The following ITFG2 variants were observed in gnomAD, a reference collection of about 807,000 sequenced individuals.
ITFG2 encodes the protein integrin alpha FG-GAP repeat containing 2.
In ITFG2, 36 loss-of-function variants were observed where a neutral mutation model predicts 54.4. That is an observed-to-expected ratio of 0.66 (90% CI 0.51 to 0.87). The LOEUF is 0.87. Among genes scored for constraint, ITFG2 ranks in the 40% least tolerant of loss-of-function variants. ITFG2 has a pLI of 0.00. For synonymous variants in ITFG2, 211 were observed against 225.4 expected (o/e 0.94, Z 0.57); for missense variants, 524 against 576.7 (o/e 0.91, Z 0.94).
At chr12:2,848,795 A>T (rs902299707) in intron 2 of ITFG2, among the ~76,000 whole-genome samples, 1 of 151,702 alleles carries the variant, frequency 6.6e-6, no homozygotes, top group African/African-American at 2.4e-5. Context: ...CTCATTCCCA[A>T]TGGGTTATGA....
chr12:2,849,605 G>A, intron 2 of ITFG2: 3 of 1,466,148 alleles, frequency 2.0e-6, no homozygotes, highest in Non-Finnish European at 2.8e-6. Flanking sequence ...GAAGGGGAAG[G>A]GTGATGCCGC....
intron 2 of ITFG2, among the ~76,000 whole-genome samples, chr12:2,851,385 A>G (rs2098070351): frequency 6.6e-6 from 1 of 152,110 alleles, no homozygotes; most frequent in Non-Finnish European, 1.5e-5. Context: ...TCTGTCCCTG[A>G]TGCTCGAGCA....
chr12:2,850,953 T>C (rs147615717), intron 2 of ITFG2, among the ~76,000 whole-genome samples: 2 of 150,204 alleles, frequency 1.3e-5, no homozygotes, highest in African/African-American at 4.9e-5. Flanking sequence ...ATTACAAGCA[T>C]GAGCCAACAC....
intron 3 of ITFG2, chr12:2,858,369 G>C: frequency 2.3e-6 from 1 of 441,552 alleles, no homozygotes; most frequent in South Asian, 4.2e-5. Context: ...AACAGGCTGG[G>C]GGGTTCCTAA....
rs555682970 is a variant in ITFG2 at position 2,830,853 on chromosome 12, C to T, written c.*79C>T. 9.3e-6 allele frequency: 15 copies of T among 1,612,508 alleles called. No homozygotes were observed. Among genetic ancestry groups the T allele is most frequent in the Admixed American group, 6.7e-5 (4 of 59,746 alleles). ...CACCAGGCGTCTTTGGATCACACTG[C>T]GCGGCTGCTGGCTCCATCACAAAAC... On this transcript the variant is annotated 3_prime_UTR_variant and NMD_transcript_variant, in exon 3 of 3. Coordinates refer to the ITFG2 transcript ENST00000538822.
At chr12:2,854,957 C>T (rs1236923306) in intron 2 of ITFG2, 3 of 1,536,100 alleles carry the variant, frequency 2.0e-6, no homozygotes, top group African/African-American at 1.4e-5. Flanking sequence ...GCTCTTGCCT[C>T]ACTCCTCAAC....
At position 2,812,847 on chromosome 12, in the gene ITFG2, TAACGATACGGTAGG is replaced by T. The variant is rs1241834991; in HGVS notation, c.88_96+5del. Reference sequence around the variant, plus strand: ...ACGCAATCTGCCTCGGAGACGTTGATAACGATACGGTAGGTGCATGCGCACCGCAAGAGACAGCC... The same window carrying T: ...ACGCAATCTGCCTCGGAGACGTTGATTGCATGCGCACCGCAAGAGACAGCC... On this transcript the variant is annotated splice_donor_variant and splice_donor_5th_base_variant and coding_sequence_variant and intron_variant, in exon 1 of 12. Coordinates refer to ENST00000228799, the MANE Select transcript of ITFG2 (RefSeq NM_018463.4). LOFTEE classifies it high-confidence loss of function. 8.7e-6 allele frequency: 14 copies of T among 1,611,628 alleles called. No individual in the cohort carries two copies. The highest frequency in any genetic ancestry group is 4.0e-5 in the African/African-American group (3 of 74,904).
upstream of ITFG2, among the ~76,000 whole-genome samples, chr12:2,832,961 C>T: frequency 6.6e-6 from 1 of 151,892 alleles, no homozygotes; most frequent in East Asian, 1.9e-4. Flanking sequence ...GAGAGACTGG[C>T]TCTGCACTTC....
intron 3 of ITFG2, chr12:2,858,376 C>G (rs964885984): frequency 1.1e-5 from 5 of 447,126 alleles, no homozygotes; most frequent in African/African-American, 9.8e-5. Flanking sequence ...TGGGGGGTTC[C>G]TAATCTCTTT....
chr12:2,842,641 A>G (rs1603485810), intron 2 of ITFG2, among the ~76,000 whole-genome samples: 1 of 152,102 alleles, frequency 6.6e-6, no homozygotes, highest in East Asian at 1.9e-4. Flanking sequence ...CTGAGGCAGG[A>G]GAATTGCTTG....
intron 1 of ITFG2, among the ~76,000 whole-genome samples, chr12:2,837,321 CA>C (rs2098030642): frequency 2.6e-5 from 4 of 151,870 alleles, no homozygotes; most frequent in African/African-American, 4.8e-5. Context: ...ACTAAAAATA[CA>C]AAAAAATTAG....
chr12:2,820,947 T>TA (rs1479559870), intron 6 of ITFG2, 75 bp downstream of exon 6: 1 of 1,504,370 alleles, frequency 6.6e-7, no homozygotes, highest in East Asian at 2.3e-5. Flanking sequence ...CACATGGTAG[T>TA]AAAATGGGTC....
intron 2 of ITFG2, chr12:2,849,284 G>C (rs185720432): frequency 2.0e-6 from 3 of 1,536,136 alleles, no homozygotes; most frequent in Non-Finnish European, 2.6e-6. Flanking sequence ...TTGCTTGCTT[G>C]TGCCTTGGAG....
chr12:2,821,054 CTT>C (rs1249979426), intron 6 of ITFG2, among the ~76,000 whole-genome samples, 182 bp downstream of exon 6: 3 of 152,224 alleles, frequency 2.0e-5, no homozygotes, highest in Non-Finnish European at 4.4e-5. Flanking sequence ...TGGGCTCTAA[CTT>C]TGTAGCACCT....
At chr12:2,828,455 AGAATGGGTTG>A (rs1235850923), downstream of ITFG2, 1 of 1,497,664 alleles carries the variant, frequency 6.7e-7, no homozygotes, top group Admixed American at 1.8e-5. Flanking sequence ...AGTCCCTAGG[AGAATGGGTTG>A]GAATTGGATC....
chr12:2,849,123 A>G, intron 2 of ITFG2: 2 of 1,193,562 alleles, frequency 1.7e-6, no homozygotes, highest in South Asian at 1.6e-5. Flanking sequence ...TGTTCTGCAG[A>G]AGCCAGAGTC....
chr12:2,823,972 G>C (rs1370381859), intron 11 of ITFG2, 29 bp downstream of exon 11: 1 of 1,611,726 alleles, frequency 6.2e-7, no homozygotes, highest in Non-Finnish European at 8.5e-7. Flanking sequence ...AGTGGCCCGA[G>C]TGCCCAGGAG....
chr12:2,846,010 G>A (rs976150218), intron 2 of ITFG2, among the ~76,000 whole-genome samples: 1 of 152,104 alleles, frequency 6.6e-6, no homozygotes, highest in Admixed American at 6.5e-5. Context: ...CTGGCTGGGG[G>A]TTGCCTCGTT....
At chr12:2,817,173 G>A (rs2097924257) in intron 1 of ITFG2, 50 bp from the exon 2 acceptor site, 1 of 1,215,114 alleles carries the variant, frequency 8.2e-7, no homozygotes, top group Admixed American at 1.8e-5. Flanking sequence ...AGAGCTTGAA[G>A]AGGTTCAGCA....
Sources: allele counts gnomAD v4.1 joint callset (sites outside exome capture counted in the v4.1 genomes callset), GRCh38; gene constraint gnomAD v4.1.1; transcripts MANE v1.5; gene names NCBI Gene and HGNC (gene_info 2026-07-23, HGNC 2026-07-21).